The following SAMTOR variants were observed in gnomAD, a reference collection of about 807,000 sequenced individuals.
The protein encoded by SAMTOR is UPF0532 protein C7orf60.
At chr7:112,855,650 A>C in the SAMTOR span, among the ~76,000 whole-genome samples, 2 of 152,120 alleles carry the variant, frequency 1.3e-5, no homozygotes, top group African/African-American at 4.8e-5. Flanking sequence ...TAGCACATTA[A>C]ATCCTTCTTA....
chr7:112,823,992 G>A, the SAMTOR span, among the ~76,000 whole-genome samples: 1 of 152,110 alleles, frequency 6.6e-6, no homozygotes, highest in African/African-American at 2.4e-5. Flanking sequence ...CAAATATTTT[G>A]CCCATTTAAA....
the SAMTOR span, among the ~76,000 whole-genome samples, chr7:112,922,979 C>A: frequency 6.6e-6 from 1 of 151,660 alleles, no homozygotes; most frequent in African/African-American, 2.4e-5. Context: ...GGGAGGTGTA[C>A]CCAACAGCTC....
At chr7:112,851,561 T>G in the SAMTOR span, among the ~76,000 whole-genome samples, 1 of 152,118 alleles carries the variant, frequency 6.6e-6, no homozygotes, top group Non-Finnish European at 1.5e-5. Flanking sequence ...GATTAAAGAT[T>G]TAAATGTAAG....
the SAMTOR span, among the ~76,000 whole-genome samples, chr7:112,880,535 A>C: frequency 6.6e-6 from 1 of 152,078 alleles, no homozygotes; most frequent in African/African-American, 2.4e-5. Context: ...CTAAGGAGGG[A>C]AACTTAATTT....
chr7:112,884,216 T>A, the SAMTOR span, among the ~76,000 whole-genome samples: 1 of 152,158 alleles, frequency 6.6e-6, no homozygotes, highest in Non-Finnish European at 1.5e-5. Context: ...GGAACTAGAA[T>A]TCAAGATGAG....
the SAMTOR span, among the ~76,000 whole-genome samples, chr7:112,934,297 C>A: frequency 6.6e-6 from 1 of 152,160 alleles, no homozygotes; most frequent in East Asian, 1.9e-4. Flanking sequence ...AAAGATTCAG[C>A]CTCCACAGAG....
chr7:112,933,791 G>C, the SAMTOR span, among the ~76,000 whole-genome samples: 1 of 152,096 alleles, frequency 6.6e-6, no homozygotes, highest in Admixed American at 6.5e-5. Context: ...CCACCAAATT[G>C]CTTTCTGGGG....
the SAMTOR span, among the ~76,000 whole-genome samples, chr7:112,911,537 C>T: frequency 6.6e-6 from 1 of 151,964 alleles, no homozygotes; most frequent in African/African-American, 2.4e-5. Flanking sequence ...AATTATCACA[C>T]ATAAAGCAGG....
the SAMTOR span, among the ~76,000 whole-genome samples, chr7:112,854,882 A>C: frequency 6.6e-6 from 1 of 152,206 alleles, no homozygotes; most frequent in East Asian, 1.9e-4. Context: ...AGCTCAGAGA[A>C]AGGTATAAAG....
At chr7:112,865,845 T>C in the SAMTOR span, among the ~76,000 whole-genome samples, 1 of 148,402 alleles carries the variant, frequency 6.7e-6, no homozygotes, top group Non-Finnish European at 1.5e-5. Flanking sequence ...TATACATATA[T>C]TTGCTACTTG....
At chr7:112,873,869 A>T in the SAMTOR span, among the ~76,000 whole-genome samples, 4 of 152,136 alleles carry the variant, frequency 2.6e-5, no homozygotes, top group Admixed American at 1.3e-4. Context: ...GCAAAAAACA[A>T]ATTACCCTAT....
chr7:112,862,721 G>T, the SAMTOR span, among the ~76,000 whole-genome samples: 1 of 152,098 alleles, frequency 6.6e-6, no homozygotes, highest in Middle Eastern at 3.2e-3. Context: ...CTGAGGTCAG[G>T]AATTTGAGAC....
At chr7:112,822,852 G>T in the SAMTOR span, among the ~76,000 whole-genome samples, 29 of 151,978 alleles carry the variant, frequency 1.9e-4, no homozygotes, top group Non-Finnish European at 4.4e-5. Flanking sequence ...CAAAACTTTA[G>T]TTCTTTGAAA....
the SAMTOR span, among the ~76,000 whole-genome samples, chr7:112,844,284 A>G: frequency 6.6e-6 from 1 of 152,218 alleles, no homozygotes; most frequent in East Asian, 1.9e-4. Context: ...GAGCAATCGG[A>G]TAAGAGAAAG....
At chr7:112,931,451 CTG>C in the SAMTOR span, among the ~76,000 whole-genome samples, 2 of 152,148 alleles carry the variant, frequency 1.3e-5, no homozygotes, top group Non-Finnish European at 2.9e-5. Context: ...AAATGCAAGT[CTG>C]TGAACACATC....
At chr7:112,894,870 G>A in the SAMTOR span, among the ~76,000 whole-genome samples, 1 of 152,100 alleles carries the variant, frequency 6.6e-6, no homozygotes, top group South Asian at 2.1e-4. Flanking sequence ...TTGACTCAGG[G>A]TTGCCACAAA....
the SAMTOR span, among the ~76,000 whole-genome samples, chr7:112,936,303 A>G: frequency 6.6e-6 from 1 of 152,210 alleles, no homozygotes; most frequent in Non-Finnish European, 1.5e-5. Flanking sequence ...ATTTCTTTTT[A>G]GTAACTGCTT....
At chr7:112,882,379 G>A in the SAMTOR span, among the ~76,000 whole-genome samples, 1 of 152,180 alleles carries the variant, frequency 6.6e-6, no homozygotes, top group African/African-American at 2.4e-5. Flanking sequence ...GACAGCCTAA[G>A]GATCCAAAGA....
the SAMTOR span, among the ~76,000 whole-genome samples, chr7:112,932,256 A>T: frequency 1.2e-4 from 18 of 152,206 alleles, no homozygotes; most frequent in African/African-American, 2.4e-4. Flanking sequence ...CAACATACAG[A>T]GAGACATACA....
Sources: gnomAD v4.1 joint callset for allele counts (sites outside exome capture counted in the v4.1 genomes callset) on GRCh38, gnomAD v4.1.1 for gene constraint, MANE v1.5 for transcripts, NCBI Gene and HGNC (gene_info 2026-07-23, HGNC 2026-07-21) for gene names.